LYN: variants seen among roughly 807,000 people sequenced by gnomAD.
LYN encodes the protein tyrosine-protein kinase Lyn.
A neutral mutation model predicts 65.0 loss-of-function variants in LYN; 12 were observed. The ratio of observed to expected loss-of-function variants is 0.18; its 90% CI spans 0.12 to 0.30. The LOEUF (loss-of-function observed/expected upper bound fraction) is 0.30. LYN is among the 10% of genes least tolerant of loss of function. The pLI is 1.00. For missense variants in LYN, 380 were observed against 623.2 expected, an observed-to-expected ratio of 0.61 and a Z score of 4.16; for synonymous variants, 222 against 221.2, an observed-to-expected ratio of 1.00 and a Z score of -0.03.
chr8:55,891,728 GA>G (rs1017072892), intron 1 of LYN, among the ~76,000 whole-genome samples: 6 of 151,950 alleles, frequency 3.9e-5, no homozygotes, highest in African/African-American at 1.2e-4. Context: ...TTTAAAGAAT[GA>G]AAAAAAAGTT....
intron 1 of LYN, among the ~76,000 whole-genome samples, chr8:55,937,310 A>G (rs956403897): frequency 6.6e-6 from 1 of 152,220 alleles, no homozygotes; most frequent in Non-Finnish European, 1.5e-5. Context: ...AGGTTGGTGC[A>G]AAAGTAATTG....
At chr8:55,884,411 G>C (rs1464903998) in intron 1 of LYN, among the ~76,000 whole-genome samples, 1 of 147,100 alleles carries the variant, frequency 6.8e-6, no homozygotes, top group Non-Finnish European at 1.5e-5. Flanking sequence ...GGCCTTTCTG[G>C]GGTATATTTG....
intron 1 of LYN, among the ~76,000 whole-genome samples, chr8:55,924,902 T>C (rs542582364): frequency 6.6e-6 from 1 of 151,834 alleles, no homozygotes; most frequent in East Asian, 2.0e-4. Flanking sequence ...AGTGCGGTGG[T>C]GCGATCGTGG....
intron 1 of LYN, among the ~76,000 whole-genome samples, chr8:55,882,123 T>C (rs1013396615): frequency 7.2e-5 from 11 of 152,174 alleles, no homozygotes; most frequent in African/African-American, 2.7e-4. Context: ...GAGTCTCCAC[T>C]CAGCACCGCT....
intron 8 of LYN, among the ~76,000 whole-genome samples, chr8:55,965,327 C>T (rs571832700): frequency 6.6e-6 from 1 of 152,182 alleles, no homozygotes; most frequent in South Asian, 2.1e-4. Context: ...CAGGCTTTTC[C>T]CCTGAAGGCC....
chr8:55,966,587 C>T (rs113292614), intron 8 of LYN, 128 bp from the exon 9 acceptor site: 21,494 of 683,978 alleles, frequency 0.031, 411 homozygotes, highest in South Asian at 0.047. Flanking sequence ...AGGCTGGTTT[C>T]GAACTCCTGA....
intron 1 of LYN, among the ~76,000 whole-genome samples, chr8:55,905,816 C>T (rs976831103): frequency 3.3e-5 from 5 of 152,100 alleles, no homozygotes; most frequent in Non-Finnish European, 7.4e-5. Context: ...GTCCCTTGCT[C>T]CAGGGACTTC....
chr8:55,988,418 C>A (rs1185518741), intron 10 of LYN, among the ~76,000 whole-genome samples: 1 of 151,558 alleles, frequency 6.6e-6, no homozygotes, highest in African/African-American at 2.4e-5. Flanking sequence ...ATAAAAAAAT[C>A]CTTTAGAGAG....
In LYN at chr8:55,911,285, A is replaced by ATTT. The variant is rs1209633804; in HGVS notation, c.-5-30556_-5-30554dup. On this transcript the variant is annotated intron_variant, in intron 1 of 12. Coordinates refer to ENST00000519728, the MANE Select transcript of LYN (RefSeq NM_002350.4). ...TATATATATATATATATATATATATATTTTTTTTTTTTTTTTAGTAGAGAC... is the reference window on the plus strand; with the variant it reads ...TATATATATATATATATATATATATATTTTTTTTTTTTTTTTTTTAGTAGAGAC... Among the ~76,000 whole-genome samples, 5 of 27,774 alleles carry ATTT rather than the reference A, an allele frequency of 1.8e-4. 1 individual carries two copies. Among genetic ancestry groups the ATTT allele is most frequent in the East Asian group, 1.2e-3 (1 of 844 alleles). 18.2% of individuals were successfully genotyped at this position (27,774 alleles called of 152,430 possible).
chr8:55,891,364 A>C (rs1804959394), intron 1 of LYN, among the ~76,000 whole-genome samples: 1 of 152,124 alleles, frequency 6.6e-6, no homozygotes. Context: ...AAAAAAAAAA[A>C]AAGGAAATGC....
chr8:56,007,736 G>T (rs1422550075), intron 12 of LYN, among the ~76,000 whole-genome samples: 1 of 152,178 alleles, frequency 6.6e-6, no homozygotes, highest in African/African-American at 2.4e-5. Context: ...TGTACATAAA[G>T]CAAACGTTTC....
chr8:55,966,352 A>G (rs944841432), intron 8 of LYN, among the ~76,000 whole-genome samples: 2 of 143,740 alleles, frequency 1.4e-5, no homozygotes, highest in Admixed American at 1.5e-4. Flanking sequence ...CTCTGCATCT[A>G]CAAAGTGAAG....
chr8:55,986,893 T>G (rs1808087295), intron 10 of LYN, among the ~76,000 whole-genome samples: 1 of 152,150 alleles, frequency 6.6e-6, no homozygotes, highest in Non-Finnish European at 1.5e-5. Flanking sequence ...ACCCGGCTAA[T>G]TTTTAATTTT....
chr8:55,977,168 A>G (rs2130544113), intron 10 of LYN, among the ~76,000 whole-genome samples: 1 of 152,082 alleles, frequency 6.6e-6, no homozygotes, highest in South Asian at 2.1e-4. Flanking sequence ...CTGGGCAACA[A>G]GAGCAAGACT....
chr8:55,958,573 T>C (rs1054709752), intron 8 of LYN, among the ~76,000 whole-genome samples: 6 of 152,262 alleles, frequency 3.9e-5, no homozygotes, highest in Admixed American at 2.6e-4. Context: ...CTCCAGACTC[T>C]CTTTTCATCT....
At chr8:55,978,156 G>A (rs949605210) in intron 10 of LYN, among the ~76,000 whole-genome samples, 4 of 152,198 alleles carry the variant, frequency 2.6e-5, no homozygotes, top group African/African-American at 9.6e-5. Context: ...CCTGAGTTAT[G>A]AAACTGAGGT....
At chr8:55,975,174 G>T (rs1481387207) in intron 10 of LYN, among the ~76,000 whole-genome samples, 2 of 152,212 alleles carry the variant, frequency 1.3e-5, no homozygotes, top group Non-Finnish European at 1.5e-5. Context: ...AGTGGGCATT[G>T]CTTGGAGCTG....
At chr8:55,884,742 G>A (rs1030048652) in intron 1 of LYN, among the ~76,000 whole-genome samples, 24 of 152,274 alleles carry the variant, frequency 1.6e-4, no homozygotes, top group African/African-American at 4.1e-4. Flanking sequence ...GTGAGCCACC[G>A]TGCCTGGCCC....
chr8:55,943,992 A>G (rs1014967257), intron 2 of LYN, among the ~76,000 whole-genome samples: 2 of 151,892 alleles, frequency 1.3e-5, no homozygotes, highest in African/African-American at 2.4e-5. Flanking sequence ...CTGAGGCAGG[A>G]GAATTGTTTG....
Sources: gnomAD v4.1 joint callset for allele counts (sites outside exome capture counted in the v4.1 genomes callset) on GRCh38, gnomAD v4.1.1 for gene constraint, MANE v1.5 for transcripts, NCBI Gene and HGNC (gene_info 2026-07-23, HGNC 2026-07-21) for gene names.